The following ARFIP1 variants were observed in gnomAD, a reference collection of about 807,000 sequenced individuals.
ARFIP1 encodes arfaptin-1.
In ARFIP1, 24 loss-of-function variants were observed where a neutral mutation model predicts 42.5. That is an observed-to-expected ratio of 0.57 (90% CI 0.41 to 0.80). The LOEUF is 0.80. Among genes scored for constraint, ARFIP1 ranks in the 30% least tolerant of loss-of-function variants. ARFIP1 has a pLI of 0.00. For missense variants in ARFIP1, 354 were observed against 434.0 expected (o/e 0.82, Z 1.64); for synonymous variants, 141 against 153.7 (o/e 0.92, Z 0.61).
intron 1 of ARFIP1, among the ~76,000 whole-genome samples, chr4:152,800,574 AAAAG>A (rs1460962214): frequency 6.6e-6 from 1 of 152,224 alleles, no homozygotes; most frequent in Admixed American, 6.5e-5. Flanking sequence ...TGACAACAAA[AAAAG>A]CAAAGAAATT....
At chr4:152,834,669 C>T (rs1290412410) in intron 2 of ARFIP1, among the ~76,000 whole-genome samples, 1 of 152,242 alleles carries the variant, frequency 6.6e-6, no homozygotes, top group Non-Finnish European at 1.5e-5. Context: ...TCTGCCCCAG[C>T]CTCCATGGCT....
intron 8 of ARFIP1, among the ~76,000 whole-genome samples, chr4:152,891,178 T>C (rs1173477908): frequency 3.3e-5 from 5 of 152,170 alleles, no homozygotes; most frequent in African/African-American, 4.8e-5. Flanking sequence ...TACCATCACA[T>C]TGAGGGTGAA....
chr4:152,905,495 A>G (rs894128710), intron 8 of ARFIP1, among the ~76,000 whole-genome samples: 4 of 120,076 alleles, frequency 3.3e-5, no homozygotes, highest in African/African-American at 9.9e-5. Context: ...GTCTGTTCAA[A>G]TTTTTTACCT....
rs1301785907 is a variant in ARFIP1, at chr4:152,881,145, T to TG, written c.595dup (p.Ala199GlyfsTer4). On this transcript the variant is annotated frameshift_variant, in exon 6 of 9. Coordinates refer to ENST00000353617, the MANE Select transcript of ARFIP1 (RefSeq NM_001025595.3). LOFTEE classifies it high-confidence loss of function. ...TACATACCCAAAGGCAACTTGGAGA[T>TG]GCATTTGCTGACCTGAGTTTGAAGT... 7 of 1,613,708 alleles carry TG rather than the reference T, an allele frequency of 4.3e-6. No homozygotes were observed. The highest frequency in any genetic ancestry group is 5.9e-6 in the Non-Finnish European group (7 of 1,179,796).
intron 1 of ARFIP1, chr4:152,796,271 G>A: frequency 2.0e-6 from 2 of 1,017,848 alleles, no homozygotes; most frequent in South Asian, 2.9e-5. Flanking sequence ...TAGGCAAAAG[G>A]TGGCTTTCAG....
chr4:152,804,194 T>C (rs184856195), intron 1 of ARFIP1, among the ~76,000 whole-genome samples: 128 of 50,442 alleles, frequency 2.5e-3, no homozygotes, highest in African/African-American at 5.9e-3. Flanking sequence ...TTATATATAA[T>C]ATAACATGTA....
intron 1 of ARFIP1, among the ~76,000 whole-genome samples, chr4:152,804,145 T>TGTATTATATATTATATATAATATAAC (rs1728696726): frequency 8.3e-6 from 1 of 120,554 alleles, no homozygotes; most frequent in African/African-American, 3.3e-5. Context: ...TAATATAACA[T>TGTATTATATATTATATATAATATAAC]GTATTATATA....
At chr4:152,909,246 A>G (rs1462761012) in intron 8 of ARFIP1, among the ~76,000 whole-genome samples, 2 of 152,034 alleles carry the variant, frequency 1.3e-5, no homozygotes, top group African/African-American at 2.4e-5. Context: ...TTAGCTGGGC[A>G]TGGTGGTGCA....
intron 1 of ARFIP1, among the ~76,000 whole-genome samples, chr4:152,811,271 A>G (rs1223070144): frequency 6.6e-6 from 1 of 152,046 alleles, no homozygotes; most frequent in African/African-American, 2.4e-5. Context: ...ATGTTTCTTA[A>G]TATTATAGAT....
chr4:152,807,778 A>G (rs1729102314), intron 1 of ARFIP1, among the ~76,000 whole-genome samples: 1 of 151,442 alleles, frequency 6.6e-6, no homozygotes, highest in Non-Finnish European at 1.5e-5. Context: ...CCAGATTATC[A>G]GTATTTTTCT....
At chr4:152,837,428 A>G (rs1264674409) in intron 2 of ARFIP1, among the ~76,000 whole-genome samples, 1 of 152,144 alleles carries the variant, frequency 6.6e-6, no homozygotes, top group Non-Finnish European at 1.5e-5. Context: ...CCGCATCCAC[A>G]CCAACATGTA....
intron 1 of ARFIP1, among the ~76,000 whole-genome samples, chr4:152,828,425 C>T (rs1037610991): frequency 2.0e-5 from 3 of 152,148 alleles, no homozygotes; most frequent in African/African-American, 7.2e-5. Flanking sequence ...GTTATAGTAT[C>T]TCATTATTGT....
intron 2 of ARFIP1, among the ~76,000 whole-genome samples, chr4:152,832,769 A>G (rs1731350161): frequency 6.6e-6 from 1 of 152,232 alleles, no homozygotes; most frequent in Admixed American, 6.5e-5. Context: ...AGTAGGGACC[A>G]AGATTTTTCT....
intron 8 of ARFIP1, among the ~76,000 whole-genome samples, chr4:152,888,571 G>A (rs527489872): frequency 1.3e-5 from 2 of 152,222 alleles, no homozygotes; most frequent in African/African-American, 4.8e-5. Flanking sequence ...TTGGATTGGC[G>A]TTGATAGCAA....
intron 1 of ARFIP1, among the ~76,000 whole-genome samples, chr4:152,808,956 G>T (rs1729230017): frequency 6.6e-6 from 1 of 152,130 alleles, no homozygotes; most frequent in South Asian, 2.1e-4. Flanking sequence ...GGAGGCTGAG[G>T]CAGGAGAATG....
chr4:152,780,564 C>T (rs1464213905), intron 1 of ARFIP1, among the ~76,000 whole-genome samples: 1 of 152,182 alleles, frequency 6.6e-6, no homozygotes, highest in African/African-American at 2.4e-5. Flanking sequence ...AGTGGGCCAC[C>T]TTCAGGCTTG....
At chr4:152,894,167 C>A (rs1737103242) in intron 8 of ARFIP1, among the ~76,000 whole-genome samples, 1 of 148,134 alleles carries the variant, frequency 6.8e-6, no homozygotes. Flanking sequence ...GAGATCGCGC[C>A]ACTACACTCC....
intron 1 of ARFIP1, among the ~76,000 whole-genome samples, chr4:152,812,957 T>C (rs926813662): frequency 3.9e-5 from 6 of 152,230 alleles, no homozygotes; most frequent in Non-Finnish European, 8.8e-5. Flanking sequence ...TTATTGACTA[T>C]ATTGTAAAAT....
At chr4:152,806,841 C>CT (rs1729029127) in intron 1 of ARFIP1, among the ~76,000 whole-genome samples, 1 of 139,702 alleles carries the variant, frequency 7.2e-6, no homozygotes. Context: ...TTTTCTTTTT[C>CT]TTTCTTTTTT....
Sources: allele counts gnomAD v4.1 joint callset (sites outside exome capture counted in the v4.1 genomes callset), GRCh38; gene constraint gnomAD v4.1.1; transcripts MANE v1.5; gene names NCBI Gene and HGNC (gene_info 2026-07-23, HGNC 2026-07-21).